The following RARB variants were observed in gnomAD, a reference collection of about 807,000 sequenced individuals.
The protein encoded by RARB is retinoic acid receptor beta.
Under a neutral mutation model 51.9 loss-of-function variants are expected in RARB, and 17 were observed. That is an observed-to-expected ratio of 0.33 (90% confidence interval 0.22 to 0.49). RARB has a LOEUF of 0.49. RARB is among the 20% of genes least tolerant of loss of function. The probability of loss-of-function intolerance (pLI) is 0.99; values close to 1 mark genes in which losing one functional copy is unlikely to be tolerated. For synonymous variants in RARB, 215 were observed against 195.4 expected, an observed-to-expected ratio of 1.10 and a Z score of -0.84; for missense variants, 369 against 550.8, an observed-to-expected ratio of 0.67 and a Z score of 3.30.
At chr3:25,448,800 C>A (rs1709061639) in intron 1 of RARB, among the ~76,000 whole-genome samples, 1 of 152,064 alleles carries the variant, frequency 6.6e-6, no homozygotes, top group Non-Finnish European at 1.5e-5. Flanking sequence ...CAAGTGCATC[C>A]TTTGAACTGA....
chr3:25,381,234 T>A (rs1377994449), intron 5 of RARB, among the ~76,000 whole-genome samples: 1 of 152,156 alleles, frequency 6.6e-6, no homozygotes, highest in East Asian at 1.9e-4. Context: ...ACATCCCATT[T>A]AAGGGAGGCT....
chr3:25,164,396 C>A (rs999342724), intron 4 of RARB, among the ~76,000 whole-genome samples: 3 of 152,178 alleles, frequency 2.0e-5, no homozygotes, highest in African/African-American at 7.2e-5. Context: ...CAAGCATGGG[C>A]AACCCATGTG....
At chr3:25,029,312 G>A (rs941949096) in intron 2 of RARB, among the ~76,000 whole-genome samples, 5 of 152,162 alleles carry the variant, frequency 3.3e-5, no homozygotes, top group Non-Finnish European at 5.9e-5. Flanking sequence ...TAGGTCAGTC[G>A]TGAGAAACCT....
At chr3:25,253,004 T>C (rs1702767710) in intron 5 of RARB, among the ~76,000 whole-genome samples, 1 of 152,202 alleles carries the variant, frequency 6.6e-6, no homozygotes, top group Non-Finnish European at 1.5e-5. Context: ...AATTTATGTG[T>C]CTGTGACTAA....
chr3:24,987,649 T>C (rs55987296), intron 2 of RARB, among the ~76,000 whole-genome samples: 16,323 of 152,278 alleles, frequency 0.11, 1,228 homozygotes, highest in Non-Finnish European at 0.17. Context: ...GAGAAAAATA[T>C]ATGGGAAGAT....
chr3:25,265,979 A>T (rs940554487), intron 5 of RARB, among the ~76,000 whole-genome samples: 1 of 151,964 alleles, frequency 6.6e-6, no homozygotes, highest in African/African-American at 2.4e-5. Context: ...GCAACTCTCA[A>T]CCTAGTCATC....
intron 2 of RARB, among the ~76,000 whole-genome samples, chr3:25,057,187 T>C (rs993083101): frequency 6.6e-6 from 1 of 152,050 alleles, no homozygotes; most frequent in Admixed American, 6.6e-5. Context: ...TCCATGCTTA[T>C]TGCATTGAAC....
At chr3:24,944,655 A>T (rs1323681082) in intron 2 of RARB, among the ~76,000 whole-genome samples, 1 of 152,110 alleles carries the variant, frequency 6.6e-6, no homozygotes, top group East Asian at 1.9e-4. Context: ...ATTATCCTCA[A>T]ATTTGGGTCT....
At position 25,021,695 on chromosome 3, in the gene RARB, TC is replaced by T. The variant is rs1458581293; in HGVS notation, c.-379-38428del. Among the ~76,000 whole-genome samples the T allele has an allele frequency of 2.0e-5, 3 of 152,174 alleles. No individual in the cohort carries two copies. In the East Asian group the frequency reaches 5.8e-4, roughly 29 times the overall value. Reference sequence around the variant, plus strand: ...ATCCATTTAGGTGTACATTCAGTTTTCCATTTGTTCAAATTTTTTTTTTAAA... The same window carrying T: ...ATCCATTTAGGTGTACATTCAGTTTTCATTTGTTCAAATTTTTTTTTTAAA... On this transcript the variant is annotated intron_variant, in intron 2 of 11. Transcript: ENST00000383772.
At chr3:25,153,033 A>G (rs776379411) in intron 4 of RARB, among the ~76,000 whole-genome samples, 2 of 152,188 alleles carry the variant, frequency 1.3e-5, no homozygotes, top group African/African-American at 4.8e-5. Context: ...AGGACAGAAT[A>G]ATTTTGAATC....
chr3:25,073,553 A>G (rs1185923622), intron 3 of RARB, among the ~76,000 whole-genome samples: 1 of 152,190 alleles, frequency 6.6e-6, no homozygotes, highest in Non-Finnish European at 1.5e-5. Flanking sequence ...GTTACTTATA[A>G]GGTAAACCTC....
rs564108283 is a variant in RARB at position 25,320,023 on chromosome 3, A to G, written c.179-141170A>G. 3.8e-5 allele frequency among the ~76,000 whole-genome samples: 5 copies of G among 131,886 alleles called. No homozygotes were observed. In the South Asian group the frequency reaches 1.2e-3, roughly 32 times the overall value. 86.5% of individuals were successfully genotyped at this position (131,886 alleles called of 152,430 possible). Reference sequence around the variant, plus strand: ...CTGTAATGAACTAAAAAAAATAAGGATCATCTTTTTTTTTTTTTTGCTAAT... The same window carrying G: ...CTGTAATGAACTAAAAAAAATAAGGGTCATCTTTTTTTTTTTTTTGCTAAT... On this transcript the variant is annotated intron_variant, in intron 5 of 11. Transcript: ENST00000383772.
At chr3:25,267,045 G>C (rs551622087) in intron 5 of RARB, among the ~76,000 whole-genome samples, 2 of 152,238 alleles carry the variant, frequency 1.3e-5, no homozygotes, top group South Asian at 4.1e-4. Flanking sequence ...TAAATGCTCT[G>C]TGATTCTGAC....
chr3:25,562,313 G>C (rs1257482685), intron 3 of RARB, among the ~76,000 whole-genome samples: 1 of 151,772 alleles, frequency 6.6e-6, no homozygotes, highest in East Asian at 1.9e-4. Flanking sequence ...GTTTATTCCT[G>C]GTTAAAAAGC....
At chr3:25,174,274 A>T in exon 5 of RARB, 2 of 760,038 alleles carry the variant, frequency 2.6e-6, no homozygotes, top group South Asian at 1.6e-5. Context: ...AACCATCTTG[A>T]CTTTGGCCCA....
intron 1 of RARB, among the ~76,000 whole-genome samples, chr3:24,843,660 C>T (rs183591935): frequency 5.9e-5 from 9 of 152,202 alleles, no homozygotes; most frequent in South Asian, 4.1e-4. Flanking sequence ...CTATGGTCCC[C>T]GATGAGCAGC....
intron 5 of RARB, among the ~76,000 whole-genome samples, chr3:25,229,592 T>C (rs1405471838): frequency 6.6e-6 from 1 of 152,132 alleles, no homozygotes; most frequent in African/African-American, 2.4e-5. Flanking sequence ...GCTATTTCTC[T>C]ATCAAAGATA....
intron 3 of RARB, among the ~76,000 whole-genome samples, chr3:25,090,635 T>G (rs1046197692): frequency 3.2e-4 from 49 of 152,146 alleles, no homozygotes; most frequent in African/African-American, 1.1e-3. Context: ...GATACAGCCC[T>G]TAATATAGAC....
At chr3:25,369,532 C>T (rs9836368) in intron 5 of RARB, among the ~76,000 whole-genome samples, 125,365 of 152,228 alleles carry the variant, frequency 0.82, 51,875 homozygotes, top group East Asian at 0.99. Context: ...CAGTATTTGC[C>T]AAAATTTAAA....
Sources: allele counts gnomAD v4.1 joint callset (sites outside exome capture counted in the v4.1 genomes callset), GRCh38; gene constraint gnomAD v4.1.1; transcripts MANE v1.5; gene names NCBI Gene and HGNC (gene_info 2026-07-23, HGNC 2026-07-21).